IL1RAPL2: variants seen among roughly 807,000 people sequenced by gnomAD.
The protein encoded by IL1RAPL2 is X-linked interleukin-1 receptor accessory protein-like 2.
A neutral mutation model predicts 44.1 loss-of-function variants in IL1RAPL2; 3 were observed. The observed-to-expected ratio is 0.07, with a 90% CI of 0.03 to 0.18. The LOEUF is 0.18. Among genes scored for constraint, IL1RAPL2 ranks in the 10% least tolerant of loss-of-function variants. The probability of loss-of-function intolerance (pLI) is 1.00; values close to 1 mark genes in which losing one functional copy is unlikely to be tolerated. For missense variants in IL1RAPL2, 391 were observed against 496.4 expected (o/e 0.79, Z 2.02); for synonymous variants, 181 against 178.8 (o/e 1.01, Z -0.10).
intron 6 of IL1RAPL2, among the ~76,000 whole-genome samples, chrX:105,513,427 T>C (rs932082033): frequency 5.4e-5 from 6 of 111,503 alleles, no homozygotes; most frequent in Non-Finnish European, 7.5e-5. Context: ...CTCTCTAGCA[T>C]CTGTTGTTTC....
intron 6 of IL1RAPL2, among the ~76,000 whole-genome samples, chrX:105,511,717 G>A (rs1326750330): frequency 1.8e-5 from 2 of 111,687 alleles, no homozygotes; most frequent in East Asian, 2.8e-4. Context: ...TTAACTTTGA[G>A]AATGACTGTC....
rs191286828 is a variant in IL1RAPL2, at chrX:105,360,806, A to T, written c.697+93265A>T. Among the ~76,000 whole-genome samples, 45 of 111,490 alleles carry T rather than the reference A, an allele frequency of 4.0e-4. No homozygotes were observed. The Admixed American group carries it at 4.2e-3, about 10-fold the overall frequency. ...TATTTTGCCAAATGACTCACCAGTG[A>T]TATAAAAGATTTAAAAGCCGTTTCC... On this transcript the variant is annotated intron_variant, in intron 5 of 10. Coordinates refer to ENST00000372582, the MANE Select transcript of IL1RAPL2 (RefSeq NM_017416.2).
intron 2 of IL1RAPL2, among the ~76,000 whole-genome samples, chrX:105,066,579 TA>T (rs1453319334): frequency 9.0e-6 from 1 of 111,442 alleles, no homozygotes; most frequent in African/African-American, 3.3e-5. Flanking sequence ...AACTTGAATT[TA>T]AAAAATACCA....
chrX:104,732,590 G>C (rs1311512123), intron 2 of IL1RAPL2, among the ~76,000 whole-genome samples: 1 of 111,173 alleles, frequency 9.0e-6, no homozygotes, highest in Non-Finnish European at 1.9e-5. Flanking sequence ...TAATTAACCT[G>C]GATAAATCTA....
At chrX:105,364,115 G>A (rs1263039738) in intron 5 of IL1RAPL2, among the ~76,000 whole-genome samples, 3 of 110,992 alleles carry the variant, frequency 2.7e-5, no homozygotes, top group Non-Finnish European at 3.8e-5. Flanking sequence ...GAAGATAGGG[G>A]TCCAATTTCG....
chrX:104,839,705 C>A lies in IL1RAPL2; in HGVS notation c.82+180710C>A, dbSNP rs749962024. Among the ~76,000 whole-genome samples the A allele has an allele frequency of 4.5e-5, 5 of 111,340 alleles. No homozygotes were observed. In the South Asian group the frequency reaches 1.9e-3, roughly 42 times the overall value. Reference sequence around the variant, plus strand: ...ACGTCTGGTAGAATTCAACTGTGAACCTATCTGGTCCTGGGCTTTTTTTGT... The same window carrying A: ...ACGTCTGGTAGAATTCAACTGTGAAACTATCTGGTCCTGGGCTTTTTTTGT... On this transcript the variant is annotated intron_variant, in intron 2 of 10. Transcript: ENST00000372582.
chrX:105,002,454 G>T (rs1351122506), intron 2 of IL1RAPL2, among the ~76,000 whole-genome samples: 4 of 111,405 alleles, frequency 3.6e-5, no homozygotes, highest in Non-Finnish European at 7.6e-5. Context: ...GATCTGGATT[G>T]TGTCCTACAT....
intron 6 of IL1RAPL2, among the ~76,000 whole-genome samples, chrX:105,686,010 T>C (rs913036357): frequency 9.0e-6 from 1 of 111,290 alleles, no homozygotes; most frequent in South Asian, 3.8e-4. Context: ...TGCTGAGAGA[T>C]TTTGTCACCA....
At chrX:105,676,919 G>A (rs1294702799) in intron 6 of IL1RAPL2, among the ~76,000 whole-genome samples, 1 of 111,565 alleles carries the variant, frequency 9.0e-6, no homozygotes, top group Admixed American at 9.5e-5. Flanking sequence ...AAATGATCAG[G>A]TATGACATGA....
intron 2 of IL1RAPL2, among the ~76,000 whole-genome samples, chrX:104,904,875 C>G (rs1923937540): frequency 9.0e-6 from 1 of 110,889 alleles, no homozygotes; most frequent in South Asian, 3.9e-4. Flanking sequence ...GAGGAATCGC[C>G]ACACTGACTT....
intron 2 of IL1RAPL2, among the ~76,000 whole-genome samples, chrX:104,983,338 CTA>C (rs745444231): frequency 4.1e-5 from 4 of 96,576 alleles, no homozygotes; most frequent in Non-Finnish European, 8.2e-5. Context: ...ATAGAAAATG[CTA>C]TATATATATA....
intron 6 of IL1RAPL2, among the ~76,000 whole-genome samples, chrX:105,552,465 A>G (rs762046370): frequency 1.5e-4 from 17 of 112,448 alleles, no homozygotes; most frequent in Middle Eastern, 4.6e-3. Context: ...CAAATCTAGA[A>G]TACACATAAC....
intron 5 of IL1RAPL2, among the ~76,000 whole-genome samples, chrX:105,359,440 T>C (rs183818453): frequency 1.5e-4 from 17 of 111,820 alleles, no homozygotes; most frequent in African/African-American, 5.5e-4. Context: ...ATGTGGTACC[T>C]CATTTAATTG....
At chrX:105,076,786 A>G (rs1313619381) in intron 2 of IL1RAPL2, among the ~76,000 whole-genome samples, 1 of 110,797 alleles carries the variant, frequency 9.0e-6, no homozygotes, top group East Asian at 2.8e-4. Flanking sequence ...TGATCCCTTT[A>G]CCATTATGTA....
chrX:105,600,104 G>A (rs748548028), intron 6 of IL1RAPL2, among the ~76,000 whole-genome samples: 18 of 110,207 alleles, frequency 1.6e-4, no homozygotes, highest in Non-Finnish European at 3.2e-4. Flanking sequence ...CTACAAGTTG[G>A]CTTTTGTTTC....
rs2038135168 is a variant in IL1RAPL2 at position 105,703,269 on chromosome X, A to G, written c.773-14098A>G. On this transcript the variant is annotated intron_variant, in intron 6 of 10. Coordinates refer to ENST00000372582, the MANE Select transcript of IL1RAPL2 (RefSeq NM_017416.2). ...GTTTTGAGAAGTAAATATGTCCCAG[A>G]TATTACCAAATGCTCCCTCTGGGGC... Among the ~76,000 whole-genome samples, 8 of 111,218 alleles carry G rather than the reference A, an allele frequency of 7.2e-5. No homozygotes were observed. The Admixed American group carries it at 7.7e-4, about 11-fold the overall frequency.
intron 1 of IL1RAPL2, among the ~76,000 whole-genome samples, chrX:104,639,081 G>T (rs1320282441): frequency 1.8e-5 from 2 of 111,796 alleles, no homozygotes; most frequent in Non-Finnish European, 3.8e-5. Context: ...TTTCTTGCTA[G>T]ATTGATACCT....
intron 1 of IL1RAPL2, among the ~76,000 whole-genome samples, chrX:104,612,548 G>A (rs982462716): frequency 4.8e-4 from 53 of 111,531 alleles, no homozygotes; most frequent in Non-Finnish European, 6.4e-4. Context: ...GTCTGTTTTT[G>A]TACCAGTACC....
At chrX:105,234,386 A>G (rs2034101075) in intron 4 of IL1RAPL2, among the ~76,000 whole-genome samples, 2 of 112,295 alleles carry the variant, frequency 1.8e-5, no homozygotes, top group African/African-American at 6.5e-5. Flanking sequence ...AATAACAACT[A>G]TCATAATGGT....
Sources: gnomAD v4.1 joint callset for allele counts (sites outside exome capture counted in the v4.1 genomes callset) on GRCh38, gnomAD v4.1.1 for gene constraint, MANE v1.5 for transcripts, NCBI Gene and HGNC (gene_info 2026-07-23, HGNC 2026-07-21) for gene names.